CLIP3: variants seen among roughly 807,000 people sequenced by gnomAD.
CLIP3 encodes the protein CAP-Gly domain-containing linker protein 3.
CLIP3 carries 15 observed loss-of-function variants against 59.4 expected under a neutral mutation model. The ratio of observed to expected loss-of-function variants is 0.25; its 90% CI spans 0.17 to 0.39. The LOEUF is 0.39. Among genes scored for constraint, CLIP3 ranks in the 10% least tolerant of loss-of-function variants. CLIP3 has a pLI of 1.00. For missense variants in CLIP3, 495 were observed against 765.7 expected (o/e 0.65, Z 4.17); for synonymous variants, 300 against 321.6 (o/e 0.93, Z 0.72).
intron 6 of CLIP3, 29 bp from the exon 7 acceptor site, chr19:36,024,661 G>T: frequency 4.4e-6 from 7 of 1,604,872 alleles, no homozygotes; most frequent in Non-Finnish European, 6.0e-6. Context: ...AGAAGGCAGG[G>T]ACTCAGTGGC....
At chr19:36,031,296 C>T (rs1297011525) in intron 2 of CLIP3, among the ~76,000 whole-genome samples, 7 of 152,224 alleles carry the variant, frequency 4.6e-5, no homozygotes, top group African/African-American at 1.4e-4. Context: ...GGATTACAGG[C>T]GTGAGACACC....
intron 9 of CLIP3, among the ~76,000 whole-genome samples, chr19:36,018,571 G>T (rs1443693943): frequency 7.3e-6 from 1 of 136,938 alleles, no homozygotes; most frequent in Non-Finnish European, 1.5e-5. Context: ...AACAAGGCGA[G>T]ACTCTTGACT....
At chr19:36,021,170 G>A (rs1968942457) in intron 7 of CLIP3, among the ~76,000 whole-genome samples, 1 of 151,830 alleles carries the variant, frequency 6.6e-6, no homozygotes, top group Non-Finnish European at 1.5e-5. Context: ...TGAAGCCACT[G>A]TGCTCAGCCT....
chr19:36,020,340 C>T (rs1968921359), intron 7 of CLIP3, among the ~76,000 whole-genome samples: 1 of 151,492 alleles, frequency 6.6e-6, no homozygotes, highest in Non-Finnish European at 1.5e-5. Flanking sequence ...CGGTGGCTCA[C>T]ACCTATAATC....
Position 36,017,957 on chromosome 19 carries a change from G to T in CLIP3, c.1218C>A (p.Gly406=). 1 of 1,614,088 alleles carries T rather than the reference G, an allele frequency of 6.2e-7. No homozygotes were observed. Residue 406 remains glycine, a synonymous_variant, in exon 10 of 14, where the codon GGC becomes GGA. Coordinates refer to ENST00000360535, the MANE Select transcript of CLIP3 (RefSeq NM_015526.3). The part of the protein sequence containing the change: ...KKKTPSSPSL[G]SLQQRDGAKA... ...TGGCCCCGTCACGCTGCTGCAAGCT[G>T]CCCAGAGATGGGGATGATGGGGTCT...
rs1969096428 is a variant in CLIP3 at position 36,026,052 on chromosome 19, T to G, written c.681+95A>C. On this transcript the variant is annotated intron_variant, in intron 6 of 13. Coordinates refer to ENST00000360535, the MANE Select transcript of CLIP3 (RefSeq NM_015526.3). The surrounding 1 kb of genome is among the most constrained non-coding windows in gnomAD (Gnocchi z 6.3). ...GAATGTACAGACGGCATTTGTAGTA[T>G]TTGGGGAGTCACGGGAAACGCAGAG... 1 of 857,072 alleles carries G rather than the reference T, an allele frequency of 1.2e-6. No individual in the cohort carries two copies. The highest frequency in any genetic ancestry group is 2.0e-5 in the Admixed American group (1 of 50,882). 53.1% of individuals were successfully genotyped at this position (857,072 alleles called of 1,614,324 possible). A position where few individuals can be genotyped will look rare whatever the true frequency, so the allele number is the denominator to read the frequency against.
At chr19:36,017,473 A>G in intron 11 of CLIP3, 23 bp from the exon 12 acceptor site, 1 of 1,613,576 alleles carries the variant, frequency 6.2e-7, no homozygotes, top group East Asian at 2.2e-5. Context: ...GGGGAGGGGG[A>G]GAAGTCAGAG....
Position 36,015,811 on chromosome 19 carries a change from G to A in CLIP3, c.*347C>T. 2 of 321,068 alleles carry A rather than the reference G, an allele frequency of 6.2e-6. No homozygotes were observed. Among genetic ancestry groups the A allele is most frequent in the South Asian group, 9.6e-5 (2 of 20,808 alleles). 19.9% of individuals were successfully genotyped at this position (321,068 alleles called of 1,614,324 possible). ...GGGGAGGTTTCTGATCCAGGGTTGG[G>A]TGATTCAAGAATGTTCTGTTGTAAT... is the stretch of plus-strand genomic sequence containing the variant. On this transcript the variant is annotated 3_prime_UTR_variant, in exon 14 of 14. Transcript: ENST00000360535.
chr19:36,016,380 C>G lies in CLIP3; in HGVS notation c.1590-168G>C, dbSNP rs1316733937. Among the ~76,000 whole-genome samples, 2 of 152,220 alleles carry G rather than the reference C, an allele frequency of 1.3e-5. No homozygotes were observed. Among genetic ancestry groups the G allele is most frequent in the African/African-American group, 4.8e-5 (2 of 41,452 alleles). On this transcript the variant is annotated intron_variant, in intron 13 of 13. Coordinates refer to ENST00000360535, the MANE Select transcript of CLIP3 (RefSeq NM_015526.3). The surrounding 1 kb of genome is among the most constrained non-coding windows in gnomAD (Gnocchi z 4.1). ...GTTTGTTTTCTGAGATGGAGTCTCA[C>G]TCTGTCACCCAGGCTGGAGTGCCAT...
In CLIP3 at chr19:36,016,173, C is replaced by T. The variant is rs751326856; in HGVS notation, c.1629G>A (p.Ala543=). 8.7e-6 allele frequency: 14 copies of T among 1,613,854 alleles called. No homozygotes were observed. Among genetic ancestry groups the T allele is most frequent in the Admixed American group, 5.0e-5 (3 of 59,988 alleles). ...TCCAGGGCCTCTAAGACTGCATCTCCGCCCTCAGCATCCAGGGGAACCAGC... is the reference window on the plus strand; with the variant it reads ...TCCAGGGCCTCTAAGACTGCATCTCTGCCCTCAGCATCCAGGGGAACCAGC... The part of the protein sequence containing the change: ...FCCWFPWMLR[A]EMQS Residue 543 remains alanine (A), a synonymous_variant, in exon 14 of 14, where the codon GCG becomes GCA. Coordinates refer to ENST00000360535, the MANE Select transcript of CLIP3 (RefSeq NM_015526.3). The surrounding 1 kb of genome is among the most constrained non-coding windows in gnomAD (Gnocchi z 4.1).
intron 6 of CLIP3, among the ~76,000 whole-genome samples, chr19:36,025,055 G>A (rs1346224908): frequency 6.7e-6 from 1 of 149,322 alleles, no homozygotes; most frequent in Non-Finnish European, 1.5e-5. Context: ...GACAGAGCGA[G>A]ACTCCGTCTC....
chr19:36,019,328 T>G (rs367626402), intron 7 of CLIP3, 22 bp from the exon 8 acceptor site: 9 of 1,599,538 alleles, frequency 5.6e-6, no homozygotes, highest in Non-Finnish European at 7.7e-6. Context: ...AGGGAGGCGA[T>G]GGCTAAGGAA....
At position 36,018,009 on chromosome 19, in the gene CLIP3, AGGAGGTG is replaced by A; in HGVS notation, c.1184-25_1184-19del. ...CTTCTTGCCTAAGGGTAGAAGGTGTAGGAGGTGGGTAGTGGGGCTGAGGCCAGCTTTG... is the reference window on the plus strand; with the variant it reads ...CTTCTTGCCTAAGGGTAGAAGGTGTAGGTAGTGGGGCTGAGGCCAGCTTTG... On this transcript the variant is annotated intron_variant, in intron 9 of 13. Coordinates refer to ENST00000360535, the MANE Select transcript of CLIP3 (RefSeq NM_015526.3). 1.9e-6 allele frequency: 3 copies of A among 1,613,216 alleles called. No homozygotes were observed. The highest frequency in any genetic ancestry group is 1.7e-6 in the Non-Finnish European group (2 of 1,179,974).
chr19:36,032,586 C>A lies in CLIP3; in HGVS notation c.-59+138G>T. On this transcript the variant is annotated intron_variant, in intron 1 of 13. Transcript: ENST00000360535. The surrounding 1 kb of genome is among the most constrained non-coding windows in gnomAD (Gnocchi z 4.3). ...GTGCGCCCAGCGCCTGCCACCTCCC[C>A]CAGGCCCAGCCCCCCATTCTTCTCC... 1 of 366,334 alleles carries A rather than the reference C, an allele frequency of 2.7e-6. No homozygotes were observed. Among genetic ancestry groups the A allele is most frequent in the Non-Finnish European group, 4.9e-6 (1 of 205,862 alleles). The allele number at this position is 366,334 out of a possible 1,614,324, so 22.7% of individuals were successfully genotyped here. A position where few individuals can be genotyped will look rare whatever the true frequency, so the allele number is the denominator to read the frequency against.
In CLIP3 at chr19:36,032,812, G is replaced by A. The variant is rs1223181929; in HGVS notation, c.-147C>T. ...CGGTGTCAGGGGACGTGATGGGGGA[G>A]GCAAGGGAGACAGAGAGAAGGGGAC... On this transcript the variant is annotated 5_prime_UTR_variant, in exon 1 of 14. Coordinates refer to ENST00000360535, the MANE Select transcript of CLIP3 (RefSeq NM_015526.3). The surrounding 1 kb of genome is among the most constrained non-coding windows in gnomAD (Gnocchi z 4.3). 1.3e-5 allele frequency: 2 copies of A among 153,190 alleles called. No homozygotes were observed. The highest frequency in any genetic ancestry group is 1.3e-4 in the Admixed American group (2 of 15,308). 9.5% of individuals were successfully genotyped at this position (153,190 alleles called of 1,614,324 possible).
At chr19:36,025,891 A>G (rs1468417470) in intron 6 of CLIP3, among the ~76,000 whole-genome samples, 1 of 152,228 alleles carries the variant, frequency 6.6e-6, no homozygotes, top group African/African-American at 2.4e-5. Context: ...ATGCACTGCC[A>G]TGGGATAGGC....
chr19:36,026,534 G>A lies in CLIP3; in HGVS notation c.562+52C>T, dbSNP rs1969114360. 2 of 1,603,280 alleles carry A rather than the reference G, an allele frequency of 1.2e-6. No individual in the cohort carries two copies. Among genetic ancestry groups the A allele is most frequent in the Non-Finnish European group, 1.7e-6 (2 of 1,173,762 alleles). ...GCAGCCTGGCCTCACCTGGGTCTCC[G>A]CGTCCCTCACCCAGGTCCTTGCCCC... On this transcript the variant is annotated intron_variant, in intron 5 of 13. Coordinates refer to ENST00000360535, the MANE Select transcript of CLIP3 (RefSeq NM_015526.3). This position sits in a 1 kb window ranked among gnomAD's most constrained non-coding sequence, Gnocchi z 6.3.
At position 36,032,260 on chromosome 19, in the gene CLIP3, G is replaced by A. The variant is rs1343027916; in HGVS notation, c.98C>T (p.Pro33Leu). The A allele has an allele frequency of 3.1e-6, 4 of 1,303,524 alleles. No homozygotes were observed. The highest frequency in any genetic ancestry group is 3.9e-6 in the Non-Finnish European group (4 of 1,016,110). The allele number at this position is 1,303,524 out of a possible 1,614,324, so 80.7% of individuals were successfully genotyped here. The change falls in exon 2 of 14, where the codon CCC becomes CTC. Residue 33 changes from proline (P) to leucine (L), a missense_variant. Physicochemically the swap from Pro to Leu is moderately conservative, Grantham distance 98. Around this residue, in one of 5 missense-constraint regions of CLIP3, gnomAD observed 90 missense variants for 105.2 expected, o/e 0.86. Coordinates refer to ENST00000360535, the MANE Select transcript of CLIP3 (RefSeq NM_015526.3). The surrounding 1 kb of genome is among the most constrained non-coding windows in gnomAD (Gnocchi z 4.3). ...AGGCTTCTGCCGGCGCTCCTGGGTG[G>A]GGCTGGGGGCCTCGGGGACGGGTTC... ...EDEPVPEAPSPTQERRQKPVV... is the reference protein window; with the variant it reads ...EDEPVPEAPSLTQERRQKPVV...
rs767281486 is a variant in CLIP3, at chr19:36,016,869, A to G, written c.1589+38T>C. On this transcript the variant is annotated intron_variant, in intron 13 of 13. Coordinates refer to ENST00000360535, the MANE Select transcript of CLIP3 (RefSeq NM_015526.3). This position sits in a 1 kb window ranked among gnomAD's most constrained non-coding sequence, Gnocchi z 4.1. ...CTGCCTTATGGATCCCTCTCCCTGA[A>G]TGTCACATAGGAGAGGGGACAGGGG... is the stretch of plus-strand genomic sequence containing the variant. 6 of 1,596,882 alleles carry G rather than the reference A, an allele frequency of 3.8e-6. No homozygotes were observed. Among genetic ancestry groups the G allele is most frequent in the Admixed American group, 3.4e-5 (2 of 59,202 alleles).
Sources: allele counts gnomAD v4.1 joint callset (sites outside exome capture counted in the v4.1 genomes callset), GRCh38; gene constraint gnomAD v4.1.1; regional missense constraint gnomAD v4.1.1; non-coding constraint Gnocchi (gnomAD v3.1); transcripts MANE v1.5; gene names NCBI Gene and HGNC (gene_info 2026-07-23, HGNC 2026-07-21).